The following NPFFR2 variants were observed in gnomAD, a reference collection of about 807,000 sequenced individuals.
The protein encoded by NPFFR2 is G-protein coupled receptor 74.
NPFFR2 carries 15 observed loss-of-function variants against 13.1 expected under a neutral mutation model. That is an observed-to-expected ratio of 1.15 (90% CI 0.77 to 1.76). The LOEUF is 1.76. Among genes scored for constraint, NPFFR2 ranks in the 40% most tolerant of loss-of-function variants. The probability of loss-of-function intolerance (pLI) is 0.00; values close to 1 mark genes in which losing one functional copy is unlikely to be tolerated. For synonymous variants in NPFFR2, 190 were observed against 175.7 expected, an observed-to-expected ratio of 1.08 and a Z score of -0.65; for missense variants, 572 against 503.5, an observed-to-expected ratio of 1.14 and a Z score of -1.30.
chr4:72,083,216 ATTTCTGAATCATATGGTCAT>A (rs377443443), intron 1 of NPFFR2, among the ~76,000 whole-genome samples: 30 of 152,286 alleles, frequency 2.0e-4, no homozygotes, highest in Middle Eastern at 6.8e-3. Context: ...CATAAGTGGA[ATTTCTGAATCATATGGTCAT>A]TCTATTTTTC....
At chr4:72,131,121 T>C (rs1722225261) in intron 2 of NPFFR2, among the ~76,000 whole-genome samples, 1 of 152,028 alleles carries the variant, frequency 6.6e-6, no homozygotes, top group East Asian at 2.0e-4. Flanking sequence ...TGCTGTGCCA[T>C]TGGAACCTGG....
At chr4:72,094,783 C>A (rs186887535) in intron 1 of NPFFR2, among the ~76,000 whole-genome samples, 1 of 152,202 alleles carries the variant, frequency 6.6e-6, no homozygotes, top group Non-Finnish European at 1.5e-5. Flanking sequence ...TCTGCTGCCC[C>A]ACAGAGCCTG....
chr4:72,106,887 G>C (rs1396216444), intron 1 of NPFFR2, among the ~76,000 whole-genome samples: 1 of 151,912 alleles, frequency 6.6e-6, no homozygotes, highest in Non-Finnish European at 1.5e-5. Flanking sequence ...GAGAAATTTA[G>C]CTTCAAATAT....
At chr4:72,043,945 T>G (rs1030417345) in intron 1 of NPFFR2, among the ~76,000 whole-genome samples, 6 of 152,126 alleles carry the variant, frequency 3.9e-5, no homozygotes, top group Non-Finnish European at 7.4e-5. Flanking sequence ...CATCTTGAAT[T>G]GTAGTTCCCA....
Position 72,128,692 on chromosome 4 carries a change from A to G in NPFFR2, c.101A>G (p.Tyr34Cys), listed in dbSNP as rs200033565. The stretch of plus-strand genomic sequence containing the variant: ...CTGTACTCAGATATTAATATTACCT[A>G]TGTGAACTACTATCTTCACCAGCCT... ...HHLYSDINIT[Y>C]VNYYLHQPQV... is the part of the protein sequence containing the mutation. Residue 34 changes from tyrosine (Y) to cysteine (C), a missense_variant, in exon 2 of 4, where the codon TAT becomes TGT. Tyr to Cys is a radical substitution (Grantham distance 194). Transcript: ENST00000308744. 3.3e-5 allele frequency: 53 copies of G among 1,613,574 alleles called. 1 individual carries two copies. The South Asian group carries it at 3.5e-4, about 11-fold the overall frequency.
intron 1 of NPFFR2, among the ~76,000 whole-genome samples, chr4:72,110,946 C>CA (rs1448940743): frequency 6.6e-6 from 1 of 150,986 alleles, no homozygotes; most frequent in African/African-American, 2.5e-5. Flanking sequence ...TTGAAGAAAA[C>CA]AAAAACAAAA....
chr4:72,123,649 C>A (rs1721955374), intron 1 of NPFFR2, among the ~76,000 whole-genome samples: 1 of 152,098 alleles, frequency 6.6e-6, no homozygotes, highest in Non-Finnish European at 1.5e-5. Flanking sequence ...ATAAACAGAA[C>A]CAATCACAAA....
In NPFFR2 at chr4:72,112,721, G is replaced by A. The variant is rs77037127; in HGVS notation, c.-7-15864G>A. ...TCTCATATGTCTCACAATGAGTCAT[G>A]TTGTGAGTCATATTGTGACATCTGT... On this transcript the variant is annotated intron_variant, in intron 1 of 3. Transcript: ENST00000308744. 0.045 allele frequency among the ~76,000 whole-genome samples: 6,894 copies of A among 151,902 alleles called. 707 individuals carry two copies. The East Asian group carries it at 0.47, about 10-fold the overall frequency.
intron 1 of NPFFR2, among the ~76,000 whole-genome samples, chr4:72,057,823 A>G (rs1719797307): frequency 6.6e-6 from 1 of 152,008 alleles, no homozygotes; most frequent in Non-Finnish European, 1.5e-5. Flanking sequence ...TGTCATCAAT[A>G]GTAGTACAAA....
At chr4:72,068,867 T>TC in intron 1 of NPFFR2, 1 of 452,634 alleles carries the variant, frequency 2.2e-6, no homozygotes, top group Non-Finnish European at 3.9e-6. Flanking sequence ...TTATCTTTTT[T>TC]CCTGCATGGC....
At chr4:72,047,929 G>T (rs141094272) in intron 1 of NPFFR2, among the ~76,000 whole-genome samples, 1 of 152,096 alleles carries the variant, frequency 6.6e-6, no homozygotes, top group African/African-American at 2.4e-5. Flanking sequence ...TTGAGAATGT[G>T]TCTAGGGACT....
At chr4:72,103,393 T>G (rs941468835) in intron 1 of NPFFR2, among the ~76,000 whole-genome samples, 1 of 151,748 alleles carries the variant, frequency 6.6e-6, no homozygotes, top group Non-Finnish European at 1.5e-5. Context: ...CACTTTGACC[T>G]CCTGCCTTGT....
rs376303748 is a variant in NPFFR2 at position 72,088,763 on chromosome 4, T to TGG, written c.-7-39818_-7-39817dup. On this transcript the variant is annotated intron_variant, in intron 1 of 3. Transcript: ENST00000308744. Reference sequence around the variant, plus strand: ...TACACTCATTATCACAAGAACAGCTTGGGGGAAACTACCCCCATGATCCAA... The same window carrying TGG: ...TACACTCATTATCACAAGAACAGCTTGGGGGGGAAACTACCCCCATGATCCAA... 3.1e-3 allele frequency among the ~76,000 whole-genome samples: 468 copies of TGG among 152,040 alleles called. 1 individual carries two copies. Among genetic ancestry groups the TGG allele is most frequent in the African/African-American group, 0.011 (448 of 41,492 alleles).
chr4:72,037,111 G>C (rs1207617479), intron 1 of NPFFR2, among the ~76,000 whole-genome samples: 1 of 151,960 alleles, frequency 6.6e-6, no homozygotes, highest in Non-Finnish European at 1.5e-5. Flanking sequence ...CCTCATTTAG[G>C]CCAGGTGTGG....
At chr4:72,052,557 C>G (rs1294336031) in intron 1 of NPFFR2, among the ~76,000 whole-genome samples, 6 of 152,042 alleles carry the variant, frequency 3.9e-5, no homozygotes, top group Non-Finnish European at 4.4e-5. Context: ...TGAGCAAAAA[C>G]TGGAAGCATT....
At chr4:72,067,672 T>G (rs1296306408) in intron 1 of NPFFR2, among the ~76,000 whole-genome samples, 1 of 152,192 alleles carries the variant, frequency 6.6e-6, no homozygotes, top group Admixed American at 6.5e-5. Flanking sequence ...GGAGAATCCA[T>G]GTAGCACCCT....
In NPFFR2 at chr4:72,060,260, C is replaced by G. The variant is rs528211570; in HGVS notation, c.-8+28060C>G. 5.3e-5 allele frequency among the ~76,000 whole-genome samples: 8 copies of G among 152,152 alleles called. No homozygotes were observed. In the East Asian group the frequency reaches 1.2e-3, roughly 22 times the overall value. On this transcript the variant is annotated intron_variant, in intron 1 of 3. Transcript: ENST00000308744. ...AGACGTTCTTACTACCTTATTCAAC[C>G]TACCTCCCATTAGAATAAGCACACC...
chr4:72,078,888 A>G (rs1331476941), intron 1 of NPFFR2, among the ~76,000 whole-genome samples: 1 of 152,152 alleles, frequency 6.6e-6, no homozygotes, highest in African/African-American at 2.4e-5. Context: ...TGACAAAATT[A>G]TAGGATGAAG....
Position 72,147,235 on chromosome 4 carries a change from T to TG in NPFFR2, c.688dup (p.Ala230GlyfsTer45). 6.2e-7 allele frequency: 1 copy of TG among 1,614,176 alleles called. No homozygotes were observed. Among genetic ancestry groups the TG allele is most frequent in the Admixed American group, 1.7e-5 (1 of 60,004 alleles). On this transcript the variant is annotated frameshift_variant, in exon 4 of 4. Coordinates refer to ENST00000308744, the MANE Select transcript of NPFFR2 (RefSeq NM_004885.3). LOFTEE classifies it low-confidence loss of function (END_TRUNC). ...ACTGTGCTGTTTGCCAACATCTACCTGGCTCCCCTCTCCCTCATTGTCATC... is the reference window on the plus strand; with the variant it reads ...ACTGTGCTGTTTGCCAACATCTACCTGGGCTCCCCTCTCCCTCATTGTCATC...
Sources: allele counts gnomAD v4.1 joint callset (sites outside exome capture counted in the v4.1 genomes callset), GRCh38; gene constraint gnomAD v4.1.1; transcripts MANE v1.5; gene names NCBI Gene and HGNC (gene_info 2026-07-23, HGNC 2026-07-21).